The following LRCH1 variants were observed in gnomAD, a reference collection of about 807,000 sequenced individuals.
LRCH1 encodes leucine-rich repeat and calponin homology domain-containing protein 1.
LRCH1 carries 23 observed loss-of-function variants against 94.9 expected under a neutral mutation model. The observed-to-expected ratio is 0.24, with a 90% CI of 0.17 to 0.34. LRCH1 has a LOEUF of 0.34. LRCH1 is among the 10% of genes least tolerant of loss of function. The probability of loss-of-function intolerance (pLI) is 1.00; values close to 1 mark genes in which losing one functional copy is unlikely to be tolerated. For missense variants in LRCH1, 790 were observed against 945.9 expected (o/e 0.84, Z 2.16); for synonymous variants, 364 against 354.9 (o/e 1.03, Z -0.29).
At chr13:46,560,701 T>C (rs770915831) in intron 1 of LRCH1, among the ~76,000 whole-genome samples, 1 of 152,164 alleles carries the variant, frequency 6.6e-6, no homozygotes, top group African/African-American at 2.4e-5. Context: ...AATTTTGCCA[T>C]GATATTTCAG....
At position 46,681,785 on chromosome 13, in the gene LRCH1, T is replaced by C; in HGVS notation, c.624T>C (p.Gly208=). 2 of 1,613,562 alleles carry C rather than the reference T, an allele frequency of 1.2e-6. No individual in the cohort carries two copies. Among genetic ancestry groups the C allele is most frequent in the Non-Finnish European group, 1.7e-6 (2 of 1,179,776 alleles). The change falls in exon 4 of 20, where the codon GGT becomes GGC. Residue 208 remains glycine, a synonymous_variant. Coordinates refer to ENST00000389797, the MANE Select transcript of LRCH1 (RefSeq NM_001164211.2). ...TCACAGCGTTGCCCCAGCAGATAGG[T>C]CAGTTGAAATCTCTACGAGAACTGA... is the stretch of plus-strand genomic sequence containing the variant. ...NEITALPQQI[G]QLKSLRELNV...
chr13:46,572,625 C>G (rs1292630931), intron 1 of LRCH1, among the ~76,000 whole-genome samples: 1 of 152,136 alleles, frequency 6.6e-6, no homozygotes. Flanking sequence ...CAAAATCTCC[C>G]TAACTCGTGG....
At chr13:46,684,249 T>C (rs1254327311) in intron 4 of LRCH1, among the ~76,000 whole-genome samples, 1 of 151,908 alleles carries the variant, frequency 6.6e-6, no homozygotes, top group East Asian at 1.9e-4. Context: ...TACTCCACTT[T>C]TTTTTTTACC....
rs151260570 is a variant in LRCH1, at chr13:46,652,812, A to G, written c.452+2467A>G. 5.3e-5 allele frequency among the ~76,000 whole-genome samples: 8 copies of G among 152,328 alleles called. No individual in the cohort carries two copies. The East Asian group carries it at 1.3e-3, about 26-fold the overall frequency. The stretch of plus-strand genomic sequence containing the variant: ...AACTTTGCATTGTTGTATTTAGTCC[A>G]TGTTCATTGAGAAACTTTTGGGTAT... On this transcript the variant is annotated intron_variant, in intron 2 of 19. Coordinates refer to ENST00000389797, the MANE Select transcript of LRCH1 (RefSeq NM_001164211.2).
intron 18 of LRCH1, among the ~76,000 whole-genome samples, chr13:46,733,186 T>C (rs184036861): frequency 6.6e-6 from 1 of 152,304 alleles, no homozygotes; most frequent in African/African-American, 2.4e-5. Flanking sequence ...AATATTACAA[T>C]TTAGCAGCAA....
At chr13:46,574,833 T>G (rs1284377434) in intron 1 of LRCH1, among the ~76,000 whole-genome samples, 3 of 150,382 alleles carry the variant, frequency 2.0e-5, no homozygotes, top group Non-Finnish European at 4.4e-5. Context: ...TTTTTTTTTT[T>G]TTTTTTTTTT....
intron 7 of LRCH1, among the ~76,000 whole-genome samples, chr13:46,689,914 G>T (rs1200106775): frequency 3.9e-5 from 6 of 152,134 alleles, no homozygotes; most frequent in African/African-American, 1.4e-4. Context: ...CAGGGATCTA[G>T]AAAGGAGTGG....
At chr13:46,643,657 C>T (rs1191379187) in intron 1 of LRCH1, among the ~76,000 whole-genome samples, 2 of 152,166 alleles carry the variant, frequency 1.3e-5, no homozygotes, top group African/African-American at 2.4e-5. Context: ...ATGATTTCCA[C>T]ATCAGCCTAA....
At chr13:46,652,639 G>T (rs1273565795) in intron 2 of LRCH1, among the ~76,000 whole-genome samples, 1 of 152,096 alleles carries the variant, frequency 6.6e-6, no homozygotes, top group Non-Finnish European at 1.5e-5. Context: ...TAGAATTTGG[G>T]TCAGTATCTC....
At chr13:46,712,777 C>T (rs1336498492) in intron 15 of LRCH1, among the ~76,000 whole-genome samples, 180 bp downstream of exon 15, 2 of 152,144 alleles carry the variant, frequency 1.3e-5, no homozygotes, top group Non-Finnish European at 2.9e-5. Context: ...CAGCTAAGTC[C>T]GTGTTATCAG....
chr13:46,696,521 A>C (rs907939932), intron 9 of LRCH1, among the ~76,000 whole-genome samples: 6 of 152,316 alleles, frequency 3.9e-5, no homozygotes, highest in African/African-American at 1.4e-4. Context: ...CAGGAAAGCA[A>C]ATTTCCCTGG....
At chr13:46,593,413 A>G (rs2050524166) in intron 1 of LRCH1, among the ~76,000 whole-genome samples, 1 of 151,640 alleles carries the variant, frequency 6.6e-6, no homozygotes, top group Non-Finnish European at 1.5e-5. Context: ...AATACCTAGT[A>G]GCTGATTCGG....
chr13:46,717,797 T>C (rs1872396187), intron 16 of LRCH1: 1 of 152,254 alleles, frequency 6.6e-6, no homozygotes, highest in Non-Finnish European at 1.5e-5. Flanking sequence ...AATTATCCTT[T>C]TTTTAAAATT....
At chr13:46,557,462 C>G (rs2050078001) in intron 1 of LRCH1, among the ~76,000 whole-genome samples, 1 of 140,364 alleles carries the variant, frequency 7.1e-6, no homozygotes, top group Non-Finnish European at 1.6e-5. Flanking sequence ...AATCCCAGCA[C>G]TTTGGGAGGC....
At chr13:46,671,014 G>A (rs981224199) in intron 3 of LRCH1, among the ~76,000 whole-genome samples, 3 of 152,184 alleles carry the variant, frequency 2.0e-5, no homozygotes, top group Non-Finnish European at 2.9e-5. Context: ...CCTTCACAGG[G>A]CATTCGAGGC....
chr13:46,723,922 G>A (rs1005953859), intron 17 of LRCH1, among the ~76,000 whole-genome samples: 3 of 151,896 alleles, frequency 2.0e-5, no homozygotes, highest in Non-Finnish European at 4.4e-5. Context: ...TTTCAATTCA[G>A]GTATAGTTTA....
intron 1 of LRCH1, among the ~76,000 whole-genome samples, chr13:46,625,626 T>C (rs1167315571): frequency 7.7e-6 from 1 of 129,690 alleles, no homozygotes; most frequent in Non-Finnish European, 1.6e-5. Context: ...GAAATAAATG[T>C]GTGGGGTTTT....
intron 1 of LRCH1, among the ~76,000 whole-genome samples, chr13:46,646,852 C>T (rs1002426886): frequency 3.3e-5 from 5 of 152,116 alleles, no homozygotes; most frequent in Non-Finnish European, 7.4e-5. Context: ...GTGGCTCATG[C>T]CTGTAATCCC....
chr13:46,714,037 A>T (rs1216464320), intron 15 of LRCH1, among the ~76,000 whole-genome samples: 1 of 152,194 alleles, frequency 6.6e-6, no homozygotes, highest in Non-Finnish European at 1.5e-5. Context: ...TATTCTTTTT[A>T]TAGAGTCCAA....
Sources: gnomAD v4.1 joint callset for allele counts (sites outside exome capture counted in the v4.1 genomes callset) on GRCh38, gnomAD v4.1.1 for gene constraint, MANE v1.5 for transcripts, NCBI Gene and HGNC (gene_info 2026-07-23, HGNC 2026-07-21) for gene names.